OSCP1: variants seen among roughly 807,000 people sequenced by gnomAD.
The protein encoded by OSCP1 is protein OSCP1.
A neutral mutation model predicts 45.1 loss-of-function variants in OSCP1; 35 were observed. The ratio of observed to expected loss-of-function variants is 0.78; its 90% CI spans 0.59 to 1.03. The LOEUF (loss-of-function observed/expected upper bound fraction) is 1.03, where lower values mean the gene tolerates loss of function less well. Among genes scored for constraint, OSCP1 ranks in the 50% least tolerant of loss-of-function variants. The pLI is 0.00. For synonymous variants in OSCP1, 179 were observed against 180.1 expected, an observed-to-expected ratio of 0.99 and a Z score of 0.05; for missense variants, 400 against 470.7, an observed-to-expected ratio of 0.85 and a Z score of 1.39.
At position 36,432,484 on chromosome 1, in the gene OSCP1, A is replaced by G. The variant is rs770874928; in HGVS notation, c.373T>C (p.Phe125Leu). Residue 125 changes from phenylalanine to leucine, a missense_variant, in exon 3 of 10, where the codon TTC becomes CTC. By Grantham distance (22) the Phe-to-Leu change is conservative. Coordinates refer to ENST00000235532, the MANE Select transcript of OSCP1 (RefSeq NM_145047.5). ...AGGATGGTTGGGGAGTCTCGGATGA[A>G]TCCCTTGATGGTATCCAAGTGATTG... ...TFNHLDTIKG[F>L]IRDSPTILQQ... 26 of 1,614,004 alleles carry G rather than the reference A, an allele frequency of 1.6e-5. No individual in the cohort carries two copies. The highest frequency in any genetic ancestry group is 2.2e-5 in the Non-Finnish European group (26 of 1,180,008).
chr1:36,429,535 A>ATTTTTTTTTTTTTTTTTTTTTTTTTT lies in OSCP1; in HGVS notation c.516+2266_516+2267insAAAAAAAAAAAAAAAAAAAAAAAAAA, dbSNP rs200043573. 6.0e-5 allele frequency among the ~76,000 whole-genome samples: 6 copies of ATTTTTTTTTTTTTTTTTTTTTTTTTT among 100,320 alleles called. 1 individual carries two copies. Among genetic ancestry groups the ATTTTTTTTTTTTTTTTTTTTTTTTTT allele is most frequent in the African/African-American group, 2.5e-4 (6 of 23,906 alleles). 65.8% of individuals were successfully genotyped at this position (100,320 alleles called of 152,430 possible). A position where few individuals can be genotyped will look rare whatever the true frequency, so the allele number is the denominator to read the frequency against. On this transcript the variant is annotated intron_variant, in intron 4 of 9. Coordinates refer to ENST00000235532, the MANE Select transcript of OSCP1 (RefSeq NM_145047.5). ...CACATTCAAAATTCAGAAGCTTAGA[A>ATTTTTTTTTTTTTTTTTTTTTTTTTT]TTTTTTTTTTTTTTTTTTTTTTTTT...
At chr1:36,434,512 G>A (rs1048516372) in intron 2 of OSCP1, among the ~76,000 whole-genome samples, 1 of 152,158 alleles carries the variant, frequency 6.6e-6, no homozygotes, top group Non-Finnish European at 1.5e-5. Context: ...CACTTTGGGA[G>A]GCCGAGGTGG....
chr1:36,442,226 C>CAAA (rs72150069), intron 1 of OSCP1, among the ~76,000 whole-genome samples: 18 of 113,926 alleles, frequency 1.6e-4, no homozygotes, highest in African/African-American at 4.9e-4. Context: ...AACTCCGTCT[C>CAAA]AAAAAAAAAA....
intron 5 of OSCP1, 136 bp from the exon 6 acceptor site, chr1:36,423,032 A>T: frequency 3.9e-6 from 2 of 519,068 alleles, no homozygotes; most frequent in Non-Finnish European, 6.1e-6. Flanking sequence ...TGTAATAATA[A>T]TAATAATAAT....
At chr1:36,432,376 G>C (rs1648422687) in intron 3 of OSCP1, 46 bp downstream of exon 3, 1 of 1,599,766 alleles carries the variant, frequency 6.3e-7, no homozygotes, top group African/African-American at 1.3e-5. Flanking sequence ...AGAGGGATGA[G>C]AAAAAGTACT....
rs1041811482 is a variant in OSCP1, at chr1:36,447,908, C to T, written c.112+2350G>A. The T allele has an allele frequency of 1.1e-5, 5 of 451,826 alleles. No homozygotes were observed. Among genetic ancestry groups the T allele is most frequent in the African/African-American group, 2.0e-5 (1 of 49,874 alleles). 28.0% of individuals were successfully genotyped at this position (451,826 alleles called of 1,614,324 possible). ...AAAATCTGTGGAATGAATGAGTGTG[C>T]GAATGTAAATTACTAAAGATGGCCG... On this transcript the variant is annotated intron_variant, in intron 1 of 9. Transcript: ENST00000235532. The surrounding 1 kb of genome is among the most constrained non-coding windows in gnomAD (Gnocchi z 4.1).
chr1:36,421,173 C>A (rs1361868291), intron 7 of OSCP1, among the ~76,000 whole-genome samples: 1 of 152,092 alleles, frequency 6.6e-6, no homozygotes, highest in African/African-American at 2.4e-5. Context: ...TGGCTTGAAA[C>A]AAAGCCCTCT....
intron 6 of OSCP1, 146 bp from the exon 7 acceptor site, chr1:36,422,365 G>A (rs957416140): frequency 1.6e-5 from 12 of 757,366 alleles, no homozygotes; most frequent in Non-Finnish European, 2.4e-5. Flanking sequence ...AACTGAGTGT[G>A]TGTTAACCAT....
intron 1 of OSCP1, among the ~76,000 whole-genome samples, chr1:36,444,604 C>A (rs191830920): frequency 1.3e-5 from 2 of 152,164 alleles, no homozygotes; most frequent in East Asian, 3.9e-4. Context: ...TATATAGATG[C>A]ATGATTTCCA....
At position 36,423,392 on chromosome 1, in the gene OSCP1, A is replaced by G; in HGVS notation, c.591T>C (p.Pro197=). Residue 197 remains proline (P), a synonymous_variant, in exon 5 of 10, where the codon CCT becomes CCC. Transcript: ENST00000235532. ...TGAGTCCTGGAACTTCAGTTCCCCA[A>G]GGAACAGGCCCGGACACCGGCAACA... is the stretch of plus-strand genomic sequence containing the variant. ...RFVLPVSGPV[P]WGTEVPGLIR... 1 of 1,613,330 alleles carries G rather than the reference A, an allele frequency of 6.2e-7. No individual in the cohort carries two copies. Among genetic ancestry groups the G allele is most frequent in the Non-Finnish European group, 8.5e-7 (1 of 1,179,242 alleles).
In OSCP1 at chr1:36,423,767, A is replaced by G. The variant is rs989961920; in HGVS notation, c.517-301T>C. ...TGGGCACCTGCAGTCTCAGCTACTC[A>G]GGAGGCTGAGGCAGGAGAATTGCTT... On this transcript the variant is annotated intron_variant, in intron 4 of 9. Coordinates refer to ENST00000235532, the MANE Select transcript of OSCP1 (RefSeq NM_145047.5). 5.9e-5 allele frequency among the ~76,000 whole-genome samples: 9 copies of G among 151,966 alleles called. No homozygotes were observed. In the South Asian group the frequency reaches 6.2e-4, roughly 11 times the overall value.
chr1:36,450,084 T>C (rs2124065369), intron 1 of OSCP1, among the ~76,000 whole-genome samples, 174 bp downstream of exon 1: 1 of 151,486 alleles, frequency 6.6e-6, no homozygotes, highest in Non-Finnish European at 1.5e-5. Flanking sequence ...GAAAAAAGCT[T>C]TTGGGGGGAT....
intron 2 of OSCP1, among the ~76,000 whole-genome samples, chr1:36,434,451 A>G (rs1648578166): frequency 6.6e-6 from 1 of 152,158 alleles, no homozygotes; most frequent in Admixed American, 6.5e-5. Context: ...AGAAGGTGGC[A>G]TACAACCAGA....
rs1649636255 is a variant in OSCP1, at chr1:36,447,800, T to A, written c.112+2458A>T. On this transcript the variant is annotated intron_variant, in intron 1 of 9. Coordinates refer to ENST00000235532, the MANE Select transcript of OSCP1 (RefSeq NM_145047.5). The surrounding 1 kb of genome is among the most constrained non-coding windows in gnomAD (Gnocchi z 4.1). The stretch of plus-strand genomic sequence containing the variant: ...AGAATCAGTTACTGGAGTGGACTGA[T>A]CAATAGCCCTACCTCCAGTGAATGT... 7.5e-6 allele frequency: 3 copies of A among 400,066 alleles called. No homozygotes were observed. The highest frequency in any genetic ancestry group is 1.6e-5 in the Non-Finnish European group (3 of 193,280). 24.8% of individuals were successfully genotyped at this position (400,066 alleles called of 1,614,324 possible).
At chr1:36,443,475 G>GGAAA (rs1649323006) in intron 1 of OSCP1, among the ~76,000 whole-genome samples, 1 of 152,158 alleles carries the variant, frequency 6.6e-6, no homozygotes, top group Admixed American at 6.5e-5. Flanking sequence ...GTAGGTAAGG[G>GGAAA]GAAACTGAAG....
intron 4 of OSCP1, among the ~76,000 whole-genome samples, chr1:36,430,921 C>A (rs372384485): frequency 1.3e-5 from 2 of 152,210 alleles, no homozygotes; most frequent in Non-Finnish European, 2.9e-5. Flanking sequence ...TCCCAATGTG[C>A]TGGGATTACA....
chr1:36,422,665 G>C, intron 6 of OSCP1, 103 bp downstream of exon 6: 1 of 1,203,958 alleles, frequency 8.3e-7, no homozygotes, highest in Non-Finnish European at 1.1e-6. Flanking sequence ...TCCTATTGTC[G>C]GCAGGGATTT....
rs781432899 is a variant in OSCP1 at position 36,418,216 on chromosome 1, C to T, written c.1063G>A (p.Glu355Lys). 4.3e-6 allele frequency: 7 copies of T among 1,614,198 alleles called. No individual in the cohort carries two copies. In the Middle Eastern group the frequency reaches 4.9e-4, roughly 114 times the overall value. ...RSEELARIMG[E>K]FEITEQPRLS... ...CTTGGCTGCTCCGTGATCTCAAACTCCCCCATGATTCGAGCCAGCTCCTCG... is the reference window on the plus strand; with the variant it reads ...CTTGGCTGCTCCGTGATCTCAAACTTCCCCATGATTCGAGCCAGCTCCTCG... Residue 355 changes from glutamate (E) to lysine (K), a missense_variant, in exon 10 of 10, where the codon GAG becomes AAG. By Grantham distance (56) the Glu-to-Lys change is moderately conservative (BLOSUM62 1). Coordinates refer to ENST00000235532, the MANE Select transcript of OSCP1 (RefSeq NM_145047.5).
chr1:36,421,318 C>T (rs560924046), intron 7 of OSCP1, among the ~76,000 whole-genome samples: 3 of 152,144 alleles, frequency 2.0e-5, no homozygotes, highest in Admixed American at 6.5e-5. Context: ...GTGGGAGACA[C>T]CGCCATCCTC....
Sources: allele counts gnomAD v4.1 joint callset (sites outside exome capture counted in the v4.1 genomes callset), GRCh38; gene constraint gnomAD v4.1.1; non-coding constraint Gnocchi (gnomAD v3.1); transcripts MANE v1.5; gene names NCBI Gene and HGNC (gene_info 2026-07-23, HGNC 2026-07-21).